The following MAST4 variants were observed in gnomAD, a reference collection of about 807,000 sequenced individuals.
MAST4 encodes microtubule associated serine/threonine kinase family member 4, also known as microtubule-associated serine/threonine-protein kinase 4.
A neutral mutation model predicts 162.7 loss-of-function variants in MAST4; 89 were observed. That is an observed-to-expected ratio of 0.55 (90% CI 0.46 to 0.65). MAST4 has a LOEUF of 0.65. Among genes scored for constraint, MAST4 ranks in the 30% least tolerant of loss-of-function variants. The pLI is 0.00. For missense variants in MAST4, 3,153 were observed against 3,374.0 expected (o/e 0.93, Z 1.62); for synonymous variants, 1,479 against 1,361.1 (o/e 1.09, Z -1.91).
chr5:66,884,523 G>A (rs918487379), intron 3 of MAST4, among the ~76,000 whole-genome samples: 4 of 152,130 alleles, frequency 2.6e-5, no homozygotes, highest in East Asian at 1.9e-4. Context: ...AGAAGGACCC[G>A]GGAAGCTTGC....
chr5:66,643,720 TG>T (rs1263891240), intron 1 of MAST4, among the ~76,000 whole-genome samples: 1 of 152,114 alleles, frequency 6.6e-6, no homozygotes, highest in East Asian at 1.9e-4. Context: ...ATACTCCTCT[TG>T]GTTCAATCTA....
chr5:66,924,636 G>A (rs529156519), intron 4 of MAST4, among the ~76,000 whole-genome samples: 1 of 152,050 alleles, frequency 6.6e-6, no homozygotes. Flanking sequence ...CTCGTGATCC[G>A]CCTACCTCTG....
chr5:66,960,485 C>T (rs1255076896), intron 4 of MAST4, among the ~76,000 whole-genome samples: 1 of 152,152 alleles, frequency 6.6e-6, no homozygotes, highest in East Asian at 1.9e-4. Flanking sequence ...TCTCCACCCC[C>T]ACCCTAACAT....
chr5:66,689,968 T>G (rs1272865426), intron 1 of MAST4, among the ~76,000 whole-genome samples: 2 of 152,192 alleles, frequency 1.3e-5, no homozygotes, highest in Non-Finnish European at 2.9e-5. Flanking sequence ...CCTCCTCTAT[T>G]GGAAAGCTGC....
intron 3 of MAST4, among the ~76,000 whole-genome samples, chr5:66,851,923 T>C (rs1195487459): frequency 6.6e-6 from 1 of 152,194 alleles, no homozygotes; most frequent in African/African-American, 2.4e-5. Context: ...GATCCCCTTA[T>C]TGTATAATCT....
chr5:66,782,548 G>A (rs532567537), intron 2 of MAST4, among the ~76,000 whole-genome samples: 2 of 152,310 alleles, frequency 1.3e-5, no homozygotes, highest in African/African-American at 2.4e-5. Context: ...GTATCAATCC[G>A]TCCAACTGAT....
At chr5:66,845,981 G>A (rs1288972096) in intron 3 of MAST4, among the ~76,000 whole-genome samples, 2 of 152,112 alleles carry the variant, frequency 1.3e-5, no homozygotes, top group Admixed American at 6.5e-5. Context: ...GTGCCATTCT[G>A]AGTGCTTTAC....
At chr5:67,008,365 T>C (rs1752288382) in intron 4 of MAST4, among the ~76,000 whole-genome samples, 1 of 152,248 alleles carries the variant, frequency 6.6e-6, no homozygotes, top group Non-Finnish European at 1.5e-5. Context: ...TCACTGCTTA[T>C]GTTTATAGCA....
chr5:66,750,600 C>T (rs571802275), intron 1 of MAST4, among the ~76,000 whole-genome samples: 31 of 152,344 alleles, frequency 2.0e-4, no homozygotes, highest in Middle Eastern at 6.8e-3. Flanking sequence ...GCTTAAAAAA[C>T]GGCGCACCAG....
chr5:66,965,225 C>CTTTTTTTTTTTTTTTT (rs1187971815), intron 4 of MAST4, among the ~76,000 whole-genome samples: 3 of 84,896 alleles, frequency 3.5e-5, no homozygotes, highest in Non-Finnish European at 4.7e-5. Flanking sequence ...TTTTTTTTTG[C>CTTTTTTTTTTTTTTTT]TTTTTTTTTT....
intron 9 of MAST4, among the ~76,000 whole-genome samples, chr5:67,103,429 T>TA (rs1765254674): frequency 6.6e-6 from 1 of 152,240 alleles, no homozygotes; most frequent in Non-Finnish European, 1.5e-5. Flanking sequence ...AAAGCTGTTT[T>TA]AGCTATTTAT....
At chr5:67,090,041 T>A in intron 5 of MAST4, 121 bp from the exon 6 acceptor site, 63 of 628,414 alleles carry the variant, frequency 1.0e-4, no homozygotes, top group East Asian at 1.7e-4. Flanking sequence ...AACTAAAGCA[T>A]TATTGGAGGA....
intron 3 of MAST4, among the ~76,000 whole-genome samples, chr5:66,862,960 A>T (rs1204448158): frequency 6.6e-6 from 1 of 152,212 alleles, no homozygotes; most frequent in Non-Finnish European, 1.5e-5. Flanking sequence ...ATCTGAGTGG[A>T]TTCTGTACAG....
chr5:66,986,600 T>TTATATATATATATATATA (rs548477839), intron 4 of MAST4: 8 of 213,122 alleles, frequency 3.8e-5, no homozygotes, highest in African/African-American at 1.8e-4. Flanking sequence ...ATGTATGAAT[T>TTATATATATATATATATA]TATATATATA....
chr5:66,928,030 A>G (rs545681629), intron 4 of MAST4, among the ~76,000 whole-genome samples: 72 of 152,282 alleles, frequency 4.7e-4, no homozygotes, highest in African/African-American at 1.6e-3. Context: ...CCACTTTTTT[A>G]TAAGGACACA....
At chr5:66,697,318 G>A (rs11745707) in intron 1 of MAST4, among the ~76,000 whole-genome samples, 16,852 of 152,186 alleles carry the variant, frequency 0.11, 1,020 homozygotes, top group Admixed American at 0.16. Context: ...ACCGATGTAC[G>A]ATGTTTCAAA....
In MAST4 at chr5:66,596,650, A is replaced by G. The variant is rs768158437; in HGVS notation, c.-6A>G. 3.0e-5 allele frequency: 43 copies of G among 1,446,566 alleles called. No homozygotes were observed. The highest frequency in any genetic ancestry group is 3.7e-5 in the Non-Finnish European group (41 of 1,103,142). The allele number at this position is 1,446,566 out of a possible 1,614,324, so 89.6% of individuals were successfully genotyped here. A position where few individuals can be genotyped will look rare whatever the true frequency, so the allele number is the denominator to read the frequency against. On this transcript the variant is annotated 5_prime_UTR_variant, in exon 1 of 29. Coordinates refer to ENST00000403625, the MANE Select transcript of MAST4 (RefSeq NM_001164664.2). ...GCTCGGGAGGCACTTTGGGCCAGAC[A>G]GGGAAATGGGGGAGAAAGTTTCGGA...
intron 3 of MAST4, among the ~76,000 whole-genome samples, chr5:66,806,764 G>GT (rs1756209221): frequency 6.6e-6 from 1 of 151,954 alleles, no homozygotes; most frequent in South Asian, 2.1e-4. Flanking sequence ...GTGCATCCTA[G>GT]TAACATGTGA....
At chr5:66,808,610 C>A (rs1756321747) in intron 3 of MAST4, among the ~76,000 whole-genome samples, 1 of 152,180 alleles carries the variant, frequency 6.6e-6, no homozygotes, top group East Asian at 1.9e-4. Flanking sequence ...AGTGTCGTGT[C>A]TCTGTGTCCT....
Sources: gnomAD v4.1 joint callset for allele counts (sites outside exome capture counted in the v4.1 genomes callset) on GRCh38, gnomAD v4.1.1 for gene constraint, MANE v1.5 for transcripts, NCBI Gene and HGNC (gene_info 2026-07-23, HGNC 2026-07-21) for gene names.